Variants in SYT14 observed in about 807,000 individuals in gnomAD.
SYT14 encodes synaptotagmin-14.
A neutral mutation model predicts 74.2 loss-of-function variants in SYT14; 32 were observed. The ratio of observed to expected loss-of-function variants is 0.43; its 90% CI spans 0.33 to 0.58. The LOEUF (loss-of-function observed/expected upper bound fraction) is 0.58, where lower values mean the gene tolerates loss of function less well. Ranked by LOEUF, SYT14 falls within the 20% of genes least tolerant of loss-of-function variation. The pLI is 0.05. For missense variants in SYT14, 791 were observed against 981.8 expected, an observed-to-expected ratio of 0.81 and a Z score of 2.60; for synonymous variants, 298 against 337.7, an observed-to-expected ratio of 0.88 and a Z score of 1.29.
intron 2 of SYT14, among the ~76,000 whole-genome samples, chr1:209,978,018 T>G (rs2079401431): frequency 6.6e-6 from 1 of 152,234 alleles, no homozygotes; most frequent in Non-Finnish European, 1.5e-5. Context: ...GTCTTGTGCA[T>G]TCGTCACGTA....
chr1:209,943,044 C>T (rs975847329), intron 1 of SYT14, among the ~76,000 whole-genome samples: 4 of 152,044 alleles, frequency 2.6e-5, no homozygotes, highest in Non-Finnish European at 5.9e-5. Flanking sequence ...TTTCTTTTGG[C>T]TCTAAGATTT....
intron 7 of SYT14, among the ~76,000 whole-genome samples, chr1:210,146,920 TAAAAG>T (rs2083051397): frequency 1.3e-5 from 2 of 151,824 alleles, no homozygotes; most frequent in Admixed American, 6.6e-5. Flanking sequence ...CTTCTTTCCT[TAAAAG>T]AAATCCTATT....
At chr1:210,061,190 A>G (rs1188898927) in intron 5 of SYT14, among the ~76,000 whole-genome samples, 2 of 151,712 alleles carry the variant, frequency 1.3e-5, no homozygotes, top group Non-Finnish European at 2.9e-5. Flanking sequence ...ATGGCCTGTC[A>G]TTGTAGAGGA....
intron 2 of SYT14, among the ~76,000 whole-genome samples, chr1:209,995,087 G>C (rs114076372): frequency 2.6e-5 from 4 of 152,230 alleles, no homozygotes; most frequent in Non-Finnish European, 5.9e-5. Context: ...TATGCAATCA[G>C]TTCTACCTAA....
intron 7 of SYT14, among the ~76,000 whole-genome samples, chr1:210,108,454 A>G (rs2082198694): frequency 6.6e-6 from 1 of 152,180 alleles, no homozygotes; most frequent in Non-Finnish European, 1.5e-5. Flanking sequence ...GATATTGTGA[A>G]GGGGCTAGAA....
chr1:210,164,375 C>A, exon 10 of SYT14: 1 of 181,886 alleles, frequency 5.5e-6, no homozygotes, highest in Non-Finnish European at 1.2e-5. Flanking sequence ...TTTCATCCAA[C>A]CTAGCGAAAA....
At chr1:210,074,786 G>T (rs909286855) in intron 5 of SYT14, among the ~76,000 whole-genome samples, 2 of 152,178 alleles carry the variant, frequency 1.3e-5, no homozygotes, top group African/African-American at 4.8e-5. Flanking sequence ...AGACTGGCAG[G>T]CTGTGGGGCT....
intron 7 of SYT14, among the ~76,000 whole-genome samples, chr1:210,124,901 T>C (rs772008389): frequency 1.4e-4 from 22 of 151,772 alleles, no homozygotes; most frequent in Non-Finnish European, 2.6e-4. Context: ...TCAAGAGAAA[T>C]ATGTTTGAGA....
Position 210,124,106 on chromosome 1 carries a change from A to G in SYT14, c.2034+23645A>G, listed in dbSNP as rs534642301. Among the ~76,000 whole-genome samples the G allele has an allele frequency of 2.6e-5, 4 of 152,288 alleles. No individual in the cohort carries two copies. In the East Asian group the frequency reaches 7.7e-4, roughly 29 times the overall value. ...CCCAGCACTGCCTATTTGTTTTCAT[A>G]TTGTCTATGGCTGCTTTCATGCTAC... On this transcript the variant is annotated intron_variant, in intron 7 of 9. Transcript: ENST00000637265.
chr1:210,088,145 CTACTT>C (rs2081777794), intron 5 of SYT14, among the ~76,000 whole-genome samples: 1 of 148,396 alleles, frequency 6.7e-6, no homozygotes, highest in African/African-American at 2.5e-5. Flanking sequence ...TTTCATCCCT[CTACTT>C]TCTTTGGATT....
At chr1:210,127,646 C>T (rs1255472071) in intron 7 of SYT14, among the ~76,000 whole-genome samples, 1 of 152,158 alleles carries the variant, frequency 6.6e-6, no homozygotes, top group East Asian at 1.9e-4. Context: ...ATGAAACTAT[C>T]CTTTTGGATG....
At chr1:210,071,934 T>C (rs2081402442) in intron 5 of SYT14, among the ~76,000 whole-genome samples, 1 of 151,880 alleles carries the variant, frequency 6.6e-6, no homozygotes, top group Non-Finnish European at 1.5e-5. Context: ...TTGTCTTTCA[T>C]ATAATTAGAA....
At position 209,981,729 on chromosome 1, in the gene SYT14, T is replaced by C. The variant is rs111344018; in HGVS notation, c.-486+28973T>C. On this transcript the variant is annotated intron_variant, in intron 2 of 9. Coordinates refer to ENST00000637265, the Ensembl canonical transcript of SYT14. ...CATCAGCCTCTCAAAGTGTTGGGAT[T>C]ATAGATGTGAGCCACTATGCCTGAC... 5.6e-3 allele frequency among the ~76,000 whole-genome samples: 852 copies of C among 152,238 alleles called. 6 individuals carry two copies. The highest frequency in any genetic ancestry group is 0.02 in the African/African-American group (816 of 41,528).
intron 6 of SYT14, among the ~76,000 whole-genome samples, chr1:210,097,760 A>G (rs1369631004): frequency 3.3e-5 from 5 of 152,100 alleles, no homozygotes; most frequent in Non-Finnish European, 2.9e-5. Context: ...ATATGTTTTG[A>G]TTTTCTTATG....
exon 10 of SYT14, chr1:210,170,114 A>T (rs1030966723): frequency 6.6e-6 from 1 of 152,180 alleles, no homozygotes; most frequent in African/African-American, 2.4e-5. Context: ...TTATCAAACA[A>T]CTGAAGAAAT....
intron 7 of SYT14, among the ~76,000 whole-genome samples, chr1:210,105,704 T>C (rs913735554): frequency 1.4e-4 from 22 of 152,310 alleles, no homozygotes; most frequent in Admixed American, 1.2e-3. Flanking sequence ...TCCCCAATGT[T>C]GGAGGTGGGG....
intron 7 of SYT14, among the ~76,000 whole-genome samples, chr1:210,143,040 T>C (rs1200821257): frequency 6.6e-6 from 1 of 152,206 alleles, no homozygotes; most frequent in Non-Finnish European, 1.5e-5. Context: ...GCTCTTTTGA[T>C]TTGTCAAGTA....
chr1:209,947,486 G>C (rs1054049332), intron 1 of SYT14, among the ~76,000 whole-genome samples: 2 of 152,160 alleles, frequency 1.3e-5, no homozygotes, highest in African/African-American at 4.8e-5. Flanking sequence ...CTACAGATGA[G>C]GTGGAACTAG....
chr1:210,066,807 A>C (rs2081304977), intron 5 of SYT14, among the ~76,000 whole-genome samples: 1 of 152,066 alleles, frequency 6.6e-6, no homozygotes. Flanking sequence ...TACAGTGCTC[A>C]ATGAAAAGTG....
Sources: gnomAD v4.1 joint callset for allele counts (sites outside exome capture counted in the v4.1 genomes callset) on GRCh38, gnomAD v4.1.1 for gene constraint, MANE v1.5 for transcripts, NCBI Gene and HGNC (gene_info 2026-07-23, HGNC 2026-07-21) for gene names.